Variants in HHLA2 observed in about 807,000 individuals in gnomAD.
The protein encoded by HHLA2 is HERV-H LTR-associating protein 2.
A neutral mutation model predicts 45.9 loss-of-function variants in HHLA2; 48 were observed. The observed-to-expected ratio is 1.05, with a 90% CI of 0.83 to 1.33. The LOEUF is 1.33. HHLA2 is among the 40% of genes most tolerant of loss of function. HHLA2 has a pLI of 0.00. For missense variants in HHLA2, 462 were observed against 494.3 expected (o/e 0.93, Z 0.62); for synonymous variants, 161 against 173.9 (o/e 0.93, Z 0.59).
rs554619443 is a variant in HHLA2, at chr3:108,307,634, C to CAA, written c.-191-3008_-191-3007dup. Reference sequence around the variant, plus strand: ...GGGCAATAAGAGTGAAACTCTGTCTCAAAAAAAAAAAAAAGAGTTCTTGTT... The same window carrying CAA: ...GGGCAATAAGAGTGAAACTCTGTCTCAAAAAAAAAAAAAAAAGAGTTCTTGTT... On this transcript the variant is annotated intron_variant, in intron 1 of 10. Transcript: ENST00000619531. Among the ~76,000 whole-genome samples the CAA allele has an allele frequency of 8.9e-3, 1,162 of 131,104 alleles. 14 individuals are homozygous for CAA. The highest frequency in any genetic ancestry group is 0.031 in the African/African-American group (1,091 of 35,262). 86.0% of individuals were successfully genotyped at this position (131,104 alleles called of 152,430 possible).
chr3:108,339,357 A>G (rs1460093775), intron 3 of HHLA2, among the ~76,000 whole-genome samples: 1 of 152,212 alleles, frequency 6.6e-6, no homozygotes, highest in Non-Finnish European at 1.5e-5. Flanking sequence ...GAGATTTCAC[A>G]GTAGAGTGGT....
At chr3:108,337,251 C>T (rs1231794862) in intron 3 of HHLA2, among the ~76,000 whole-genome samples, 1 of 152,130 alleles carries the variant, frequency 6.6e-6, no homozygotes, top group African/African-American at 2.4e-5. Flanking sequence ...ATTTTTCTAG[C>T]AATTCATTTT....
intron 2 of HHLA2, among the ~76,000 whole-genome samples, chr3:108,315,255 G>A (rs954465577): frequency 3.9e-5 from 6 of 152,156 alleles, no homozygotes; most frequent in Non-Finnish European, 7.4e-5. Context: ...CATGCTGATT[G>A]AGACTTGCAG....
chr3:108,301,382 G>A (rs73850857), intron 1 of HHLA2, among the ~76,000 whole-genome samples: 3,121 of 152,244 alleles, frequency 0.021, 101 homozygotes, highest in African/African-American at 0.07. Flanking sequence ...TACTAAGTAT[G>A]TATAGGTTCT....
intron 3 of HHLA2, among the ~76,000 whole-genome samples, chr3:108,348,419 T>A (rs1228982344): frequency 6.6e-6 from 1 of 152,016 alleles, no homozygotes; most frequent in Non-Finnish European, 1.5e-5. Flanking sequence ...GAGCCGAGAG[T>A]TGGTAGGACA....
At chr3:108,310,047 T>G (rs1264754664) in intron 1 of HHLA2, among the ~76,000 whole-genome samples, 1 of 152,184 alleles carries the variant, frequency 6.6e-6, no homozygotes, top group African/African-American at 2.4e-5. Context: ...CTAGCTGCTT[T>G]GGTCATTACA....
intron 8 of HHLA2, among the ~76,000 whole-genome samples, chr3:108,372,318 T>G (rs1229501902): frequency 6.6e-6 from 1 of 151,304 alleles, no homozygotes; most frequent in Non-Finnish European, 1.5e-5. Flanking sequence ...CTGGGACACA[T>G]TCAAAGCAGT....
In HHLA2 at chr3:108,376,846, G is replaced by C. The variant is rs181147962; in HGVS notation, c.1224+289G>C. 3 of 349,776 alleles carry C rather than the reference G, an allele frequency of 8.6e-6. No individual in the cohort carries two copies. The Admixed American group carries it at 1.3e-4, about 16-fold the overall frequency. The allele number at this position is 349,776 out of a possible 1,614,324, so 21.7% of individuals were successfully genotyped here. A position where few individuals can be genotyped will look rare whatever the true frequency, so the allele number is the denominator to read the frequency against. ...ATTGTGCATATGAGGGTGAGCCAAT[G>C]TACTTATTCTTATGATAGAAGCATG... On this transcript the variant is annotated intron_variant, in intron 10 of 10. Coordinates refer to ENST00000619531, the Ensembl canonical transcript of HHLA2.
chr3:108,330,121 A>C (rs2081358411), intron 3 of HHLA2, among the ~76,000 whole-genome samples: 1 of 152,194 alleles, frequency 6.6e-6, no homozygotes, highest in South Asian at 2.1e-4. Flanking sequence ...TTCAAGAGTG[A>C]GTGATCAGAG....
chr3:108,350,014 AG>A (rs1450351559), intron 3 of HHLA2, among the ~76,000 whole-genome samples: 3 of 152,194 alleles, frequency 2.0e-5, no homozygotes, highest in Admixed American at 6.5e-5. Context: ...TTAAATTTCA[AG>A]GTTTTTTTTA....
chr3:108,307,647 A>AG, intron 1 of HHLA2, among the ~76,000 whole-genome samples: 1 of 152,204 alleles, frequency 6.6e-6, no homozygotes, highest in East Asian at 1.9e-4. Flanking sequence ...AAAAAAAAAA[A>AG]AGAGTTCTTG....
intron 1 of HHLA2, among the ~76,000 whole-genome samples, chr3:108,307,853 C>CTTT (rs1024706435): frequency 6.6e-6 from 1 of 150,856 alleles, no homozygotes; most frequent in Non-Finnish European, 1.5e-5. Flanking sequence ...GTAATTAGGT[C>CTTT]TTTTTTTTTA....
chr3:108,347,407 T>G (rs902786432), intron 3 of HHLA2, among the ~76,000 whole-genome samples: 1 of 152,142 alleles, frequency 6.6e-6, no homozygotes, highest in African/African-American at 2.4e-5. Flanking sequence ...GGAGCACTTG[T>G]GTTCACAAGT....
intron 2 of HHLA2, chr3:108,325,729 G>T: frequency 1.3e-5 from 3 of 239,840 alleles, no homozygotes; most frequent in South Asian, 1.0e-4. Flanking sequence ...CATTATAGCC[G>T]TGCCCGCAGC....
chr3:108,360,898 A>G (rs1046884275), intron 7 of HHLA2, among the ~76,000 whole-genome samples: 7 of 152,210 alleles, frequency 4.6e-5, no homozygotes, highest in Non-Finnish European at 8.8e-5. Flanking sequence ...GTTGTAAAAC[A>G]CTATAGTATG....
At chr3:108,369,994 GAGAACGGGC>G (rs2082139134) in intron 8 of HHLA2, among the ~76,000 whole-genome samples, 1 of 152,212 alleles carries the variant, frequency 6.6e-6, no homozygotes, top group African/African-American at 2.4e-5. Context: ...CTTGAGATCT[GAGAACGGGC>G]AGACTGCCTC....
At chr3:108,335,921 C>G (rs1219821804) in intron 3 of HHLA2, among the ~76,000 whole-genome samples, 3 of 151,898 alleles carry the variant, frequency 2.0e-5, no homozygotes, top group Non-Finnish European at 4.4e-5. Context: ...CAGCCCACAT[C>G]TCTGATATGG....
intron 8 of HHLA2, among the ~76,000 whole-genome samples, chr3:108,374,678 C>G (rs1185810795): frequency 2.0e-5 from 3 of 150,090 alleles, no homozygotes; most frequent in Non-Finnish European, 4.5e-5. Flanking sequence ...AGGATATGAA[C>G]AGACACTTCT....
At chr3:108,369,807 C>T (rs2082135598) in intron 8 of HHLA2, among the ~76,000 whole-genome samples, 1 of 152,206 alleles carries the variant, frequency 6.6e-6, no homozygotes, top group African/African-American at 2.4e-5. Context: ...GTAAACAAAG[C>T]AGCCAGGAAG....
Sources: allele counts gnomAD v4.1 joint callset (sites outside exome capture counted in the v4.1 genomes callset), GRCh38; gene constraint gnomAD v4.1.1; transcripts MANE v1.5; gene names NCBI Gene and HGNC (gene_info 2026-07-23, HGNC 2026-07-21).